Variants in EDIL3 observed in about 807,000 individuals in gnomAD.
EDIL3 encodes EGF-like repeat and discoidin I-like domain-containing protein 3.
EDIL3 carries 37 observed loss-of-function variants against 67.4 expected under a neutral mutation model. The observed-to-expected ratio is 0.55, with a 90% CI of 0.42 to 0.72. EDIL3 has a LOEUF of 0.72. Among genes scored for constraint, EDIL3 ranks in the 30% least tolerant of loss-of-function variants. The probability of loss-of-function intolerance (pLI) is 0.00; values close to 1 mark genes in which losing one functional copy is unlikely to be tolerated. For missense variants in EDIL3, 527 were observed against 586.3 expected (o/e 0.90, Z 1.04); for synonymous variants, 195 against 196.3 (o/e 0.99, Z 0.05).
chr5:84,055,678 C>A (rs1257360141), intron 9 of EDIL3, among the ~76,000 whole-genome samples: 23 of 152,166 alleles, frequency 1.5e-4, no homozygotes, highest in Admixed American at 3.3e-4. Flanking sequence ...CAAAAGAAGA[C>A]ATTTATGCAG....
intron 9 of EDIL3, among the ~76,000 whole-genome samples, chr5:84,002,540 G>A (rs1293642047): frequency 6.6e-6 from 1 of 152,168 alleles, no homozygotes; most frequent in Non-Finnish European, 1.5e-5. Context: ...AAACCCTAAA[G>A]ACTCCACCAA....
chr5:84,066,757 T>A, intron 6 of EDIL3, 151 bp from the exon 7 acceptor site: 1 of 1,027,934 alleles, frequency 9.7e-7, no homozygotes, highest in Non-Finnish European at 1.4e-6. Flanking sequence ...ACAATAGGCA[T>A]ATATTAAATT....
chr5:84,132,125 C>G (rs1359155576), intron 5 of EDIL3, among the ~76,000 whole-genome samples: 1 of 149,792 alleles, frequency 6.7e-6, no homozygotes, highest in Non-Finnish European at 1.5e-5. Context: ...ATCCCAGCTA[C>G]TTGGGAGGCT....
intron 1 of EDIL3, among the ~76,000 whole-genome samples, chr5:84,286,129 G>A (rs1207439065): frequency 6.6e-6 from 1 of 152,088 alleles, no homozygotes; most frequent in Non-Finnish European, 1.5e-5. Flanking sequence ...AAATATTCCT[G>A]AGCTTTGGCT....
chr5:84,165,255 A>G (rs1413596308), intron 4 of EDIL3, among the ~76,000 whole-genome samples: 1 of 152,128 alleles, frequency 6.6e-6, no homozygotes, highest in Non-Finnish European at 1.5e-5. Context: ...AGATCCTCAC[A>G]TTGAATTGTT....
chr5:84,121,078 G>T (rs182930311), intron 5 of EDIL3, among the ~76,000 whole-genome samples: 1 of 151,818 alleles, frequency 6.6e-6, no homozygotes, highest in Non-Finnish European at 1.5e-5. Context: ...TACAGTATAC[G>T]TTATCTGTAC....
intron 1 of EDIL3, 82 bp downstream of exon 1, chr5:84,384,226 C>A: frequency 6.7e-7 from 1 of 1,500,000 alleles, no homozygotes. Flanking sequence ...GCCGGAGGGA[C>A]CGCCTCCGGC....
intron 9 of EDIL3, among the ~76,000 whole-genome samples, chr5:83,990,038 T>C (rs573907121): frequency 2.7e-4 from 41 of 152,232 alleles, no homozygotes; most frequent in African/African-American, 9.2e-4. Flanking sequence ...TGTGCAATCT[T>C]CCAGATGAGA....
At chr5:83,983,622 G>A (rs1192866104) in intron 9 of EDIL3, among the ~76,000 whole-genome samples, 1 of 152,028 alleles carries the variant, frequency 6.6e-6, no homozygotes, top group African/African-American at 2.4e-5. Flanking sequence ...AAAACTTAAT[G>A]AGAATGACTT....
At chr5:84,073,197 C>A (rs540278074) in intron 6 of EDIL3, among the ~76,000 whole-genome samples, 2 of 152,102 alleles carry the variant, frequency 1.3e-5, no homozygotes, top group Non-Finnish European at 2.9e-5. Flanking sequence ...GGACGTATCT[C>A]AAAATAATAA....
intron 6 of EDIL3, among the ~76,000 whole-genome samples, chr5:84,075,066 G>A (rs907344745): frequency 6.6e-6 from 1 of 152,088 alleles, no homozygotes; most frequent in African/African-American, 2.4e-5. Flanking sequence ...GGATGAAATT[G>A]GAAATTATCA....
intron 2 of EDIL3, among the ~76,000 whole-genome samples, chr5:84,238,626 T>A (rs1331908309): frequency 6.6e-6 from 1 of 151,616 alleles, no homozygotes; most frequent in Non-Finnish European, 1.5e-5. Context: ...CTTTAGAGGA[T>A]TTTTTTTCTT....
At chr5:83,949,805 C>T (rs117029850) in intron 10 of EDIL3, among the ~76,000 whole-genome samples, 1 of 151,756 alleles carries the variant, frequency 6.6e-6, no homozygotes, top group Admixed American at 6.6e-5. Flanking sequence ...CTGTTTTTCA[C>T]CCTCAGCAAC....
intron 3 of EDIL3, among the ~76,000 whole-genome samples, chr5:84,202,959 T>G (rs1580374776): frequency 6.6e-6 from 1 of 152,182 alleles, no homozygotes; most frequent in Non-Finnish European, 1.5e-5. Flanking sequence ...GCCTGAGAGA[T>G]ATTATAGAGG....
intron 1 of EDIL3, among the ~76,000 whole-genome samples, chr5:84,318,772 A>G (rs1040655115): frequency 1.3e-5 from 2 of 152,224 alleles, no homozygotes; most frequent in African/African-American, 4.8e-5. Flanking sequence ...CTAAAACACC[A>G]AAAGCAACAG....
chr5:84,131,579 C>T (rs1019482721), intron 5 of EDIL3, among the ~76,000 whole-genome samples: 1 of 152,064 alleles, frequency 6.6e-6, no homozygotes, highest in Non-Finnish European at 1.5e-5. Context: ...CCAACCTATG[C>T]AAATTAATCA....
chr5:84,237,205 T>A (rs543750695), intron 2 of EDIL3, among the ~76,000 whole-genome samples: 4 of 152,234 alleles, frequency 2.6e-5, no homozygotes, highest in Admixed American at 6.5e-5. Flanking sequence ...TTCATTTCCC[T>A]AAGTCTGGAC....
intron 1 of EDIL3, among the ~76,000 whole-genome samples, chr5:84,312,368 T>G (rs945827524): frequency 7.2e-5 from 10 of 138,790 alleles, no homozygotes; most frequent in Admixed American, 3.5e-4. Flanking sequence ...ACGGGGCGGC[T>G]GGCCGGGCGG....
intron 1 of EDIL3, among the ~76,000 whole-genome samples, chr5:84,367,096 G>C (rs771322407): frequency 1.3e-5 from 2 of 152,158 alleles, no homozygotes; most frequent in Non-Finnish European, 2.9e-5. Flanking sequence ...ATAGCATTTA[G>C]TGTATAATAC....
Sources: gnomAD v4.1 joint callset for allele counts (sites outside exome capture counted in the v4.1 genomes callset) on GRCh38, gnomAD v4.1.1 for gene constraint, MANE v1.5 for transcripts, NCBI Gene and HGNC (gene_info 2026-07-23, HGNC 2026-07-21) for gene names.